PLCB1: variants seen among roughly 807,000 people sequenced by gnomAD.
PLCB1 encodes 1-phosphatidylinositol 4,5-bisphosphate phosphodiesterase beta-1.
Under a neutral mutation model 161.8 loss-of-function variants are expected in PLCB1, and 46 were observed. The ratio of observed to expected loss-of-function variants is 0.28; its 90% confidence interval spans 0.22 to 0.36. The LOEUF is 0.36. Ranked by LOEUF, PLCB1 falls within the 10% of genes least tolerant of loss-of-function variation. The pLI, the probability that PLCB1 is intolerant of heterozygous loss-of-function variation, is 1.00. For missense variants in PLCB1, 1,016 were observed against 1,472.5 expected (o/e 0.69, Z 5.07); for synonymous variants, 517 against 503.7 (o/e 1.03, Z -0.35).
In PLCB1 at chr20:8,628,372, C is replaced by T. The variant is rs748150163; in HGVS notation, c.325C>T (p.Pro109Ser). ...EQRMITVVYG[P>S]DLVNISHLNL... ...GCGCATGATCACAGTGGTGTATGGG[C>T]CTGACCTCGTGAACATCTCCCATTT... The change falls in exon 4 of 32, where the codon CCT (proline) becomes TCT (serine). Residue 109 changes from proline (P) to serine (S), a missense_variant. Around this residue, in one of 10 missense-constraint regions of PLCB1, gnomAD observed 181 missense variants for 236.7 expected, o/e 0.76. Coordinates refer to ENST00000338037, the MANE Select transcript of PLCB1 (RefSeq NM_015192.4). 5 of 1,614,054 alleles carry T rather than the reference C, an allele frequency of 3.1e-6. No homozygotes were observed. The highest frequency in any genetic ancestry group is 1.7e-5 in the Admixed American group (1 of 60,016).
intron 31 of PLCB1, among the ~76,000 whole-genome samples, chr20:8,797,794 C>G (rs1440563719): frequency 1.3e-5 from 2 of 152,190 alleles, no homozygotes; most frequent in Non-Finnish European, 2.9e-5. Context: ...TGAGCAAAAG[C>G]CTATCAGGGC....
Position 8,397,354 on chromosome 20 carries a change from A to T in PLCB1, c.246+25904A>T, listed in dbSNP as rs1212435782. On this transcript the variant is annotated intron_variant, in intron 3 of 31. Transcript: ENST00000338037. ...TATTATTAATTTGCTATACACTTAG[A>T]TTTATATATTTATAGTTACGTTCAG... Among the ~76,000 whole-genome samples, 3 of 152,092 alleles carry T rather than the reference A, an allele frequency of 2.0e-5. No homozygotes were observed. In the East Asian group the frequency reaches 5.8e-4, roughly 29 times the overall value.
chr20:8,609,072 A>C (rs1369824154), intron 3 of PLCB1, among the ~76,000 whole-genome samples: 2 of 152,172 alleles, frequency 1.3e-5, no homozygotes, highest in Non-Finnish European at 2.9e-5. Flanking sequence ...AAATAAGAAA[A>C]ACTTTATTGA....
intron 29 of PLCB1, 43 bp downstream of exon 29, chr20:8,788,765 ATTATT>A (rs747945362): frequency 1.6e-6 from 2 of 1,289,698 alleles, no homozygotes; most frequent in South Asian, 1.3e-5. Flanking sequence ...TCATCTGGGA[ATTATT>A]TTATTTTGTA....
intron 31 of PLCB1, among the ~76,000 whole-genome samples, chr20:8,797,399 CTTCT>C (rs1368115985): frequency 1.0e-5 from 1 of 98,492 alleles, no homozygotes; most frequent in Admixed American, 1.3e-4. Context: ...TTTTTCTTTC[CTTCT>C]AAGATTCCAT....
At chr20:8,382,584 C>T (rs1987292755) in intron 3 of PLCB1, among the ~76,000 whole-genome samples, 1 of 147,136 alleles carries the variant, frequency 6.8e-6, no homozygotes, top group African/African-American at 2.5e-5. Context: ...CTCACTCTGC[C>T]ACCCAGGCTG....
rs755695445 is a variant in PLCB1, at chr20:8,132,719, A to G, written c.68A>G (p.Lys23Arg). 5 of 1,612,934 alleles carry G rather than the reference A, an allele frequency of 3.1e-6. No individual in the cohort carries two copies. The highest frequency in any genetic ancestry group is 4.2e-6 in the Non-Finnish European group (5 of 1,179,242). The change falls in exon 1 of 32, where the codon AAG (lysine) becomes AGG (arginine). Residue 23 changes from lysine to arginine, a missense_variant. Physicochemically the swap from Lys to Arg is conservative, Grantham distance 26. Around this residue, in one of 10 missense-constraint regions of PLCB1, gnomAD observed 181 missense variants for 236.7 expected, o/e 0.76. Transcript: ENST00000338037. The surrounding 1 kb of genome is among the most constrained non-coding windows in gnomAD (Gnocchi z 5.2). ...CCCGTGTGCGTGTCCGACAGCCTCA[A>G]GAAGGGCACCAAATTCGTCAAGTGG... Reference protein sequence around the residue: ...LKPVCVSDSLKKGTKFVKWDD... With the variant: ...LKPVCVSDSLRKGTKFVKWDD...
At chr20:8,823,764 G>T (rs1490340295) in intron 31 of PLCB1, among the ~76,000 whole-genome samples, 2 of 152,164 alleles carry the variant, frequency 1.3e-5, no homozygotes, top group African/African-American at 4.8e-5. Context: ...CAGGGAACAA[G>T]CTCTCAGCAC....
At position 8,657,282 on chromosome 20, in the gene PLCB1, A is replaced by AT; in HGVS notation, c.695dup (p.Gly233TrpfsTer11). On this transcript the variant is annotated frameshift_variant and splice_region_variant, in exon 8 of 32. Transcript: ENST00000338037. LOFTEE classifies it high-confidence loss of function. The stretch of plus-strand genomic sequence containing the variant: ...CTGAAATTGATAACATCTTTTCAGA[A>AT]TTGTAAGAGTACACATTTTAAGCCA... 1 of 1,556,462 alleles carries AT rather than the reference A, an allele frequency of 6.4e-7. No homozygotes were observed. The highest frequency in any genetic ancestry group is 8.9e-7 in the Non-Finnish European group (1 of 1,127,614).
At chr20:8,340,632 G>A (rs977806929) in intron 2 of PLCB1, among the ~76,000 whole-genome samples, 2 of 151,942 alleles carry the variant, frequency 1.3e-5, no homozygotes, top group African/African-American at 4.8e-5. Context: ...CACTGTGTTA[G>A]CCAGGATGGT....
At chr20:8,701,712 A>C (rs1239333042) in intron 11 of PLCB1, among the ~76,000 whole-genome samples, 1 of 152,176 alleles carries the variant, frequency 6.6e-6, no homozygotes, top group African/African-American at 2.4e-5. Context: ...AGAACCTGAC[A>C]TATAGTAGAT....
At chr20:8,604,329 A>G (rs1412165953) in intron 3 of PLCB1, among the ~76,000 whole-genome samples, 1 of 151,098 alleles carries the variant, frequency 6.6e-6, no homozygotes, top group Non-Finnish European at 1.5e-5. Flanking sequence ...TTTTAAAAAT[A>G]TGTAATATAA....
intron 2 of PLCB1, among the ~76,000 whole-genome samples, chr20:8,314,379 T>C (rs1260229221): frequency 1.3e-5 from 2 of 152,220 alleles, no homozygotes; most frequent in African/African-American, 2.4e-5. Flanking sequence ...AGGGAAATGA[T>C]AGTGATGGCA....
chr20:8,566,738 G>A (rs1357763729), intron 3 of PLCB1, among the ~76,000 whole-genome samples: 1 of 151,722 alleles, frequency 6.6e-6, no homozygotes. Context: ...CTTACAGGTG[G>A]TGAAGTCTGT....
chr20:8,835,146 A>G (rs1318370196), intron 31 of PLCB1, among the ~76,000 whole-genome samples: 1 of 148,066 alleles, frequency 6.8e-6, no homozygotes, highest in Non-Finnish European at 1.5e-5. Context: ...TGAGTGAGCC[A>G]TAAGGGATCT....
At chr20:8,854,496 C>A (rs1235719799) in intron 31 of PLCB1, among the ~76,000 whole-genome samples, 2 of 152,226 alleles carry the variant, frequency 1.3e-5, no homozygotes, top group Admixed American at 6.5e-5. Context: ...CGGGTCCAGG[C>A]CCTTCTACCT....
intron 3 of PLCB1, among the ~76,000 whole-genome samples, chr20:8,471,276 TGTAAATAGACATTGTAAGTGTTCA>T (rs1982041236): frequency 6.6e-6 from 1 of 152,188 alleles, no homozygotes; most frequent in South Asian, 2.1e-4. Flanking sequence ...ACCTTTAATA[TGTAAATAGACATTGTAAGTGTTCA>T]AAGCAAGGAC....
chr20:8,879,943 C>G (rs1987912408), intron 31 of PLCB1, among the ~76,000 whole-genome samples: 1 of 152,102 alleles, frequency 6.6e-6, no homozygotes. Context: ...AGAACCCAGA[C>G]AGGGAGCTAT....
At chr20:8,430,194 T>G (rs562782319) in intron 3 of PLCB1, among the ~76,000 whole-genome samples, 28 of 152,120 alleles carry the variant, frequency 1.8e-4, no homozygotes, top group African/African-American at 6.7e-4. Flanking sequence ...TGTGCCCTGA[T>G]TTTGAGTTAC....
Sources: gnomAD v4.1 joint callset for allele counts (sites outside exome capture counted in the v4.1 genomes callset) on GRCh38, gnomAD v4.1.1 for gene constraint, gnomAD v4.1.1 regional missense constraint, Gnocchi (gnomAD v3.1) non-coding constraint, MANE v1.5 for transcripts, NCBI Gene and HGNC (gene_info 2026-07-23, HGNC 2026-07-21) for gene names.